MNAT1: variants seen among roughly 807,000 people sequenced by gnomAD.
MNAT1 encodes the protein CDK-activating kinase assembly factor MAT1.
In MNAT1, 43 loss-of-function variants were observed where a neutral mutation model predicts 42.0. The ratio of observed to expected loss-of-function variants is 1.02; its 90% CI spans 0.80 to 1.32. MNAT1 has a LOEUF of 1.32. MNAT1 is among the 40% of genes most tolerant of loss of function. MNAT1 has a pLI of 0.00. For synonymous variants in MNAT1, 118 were observed against 120.0 expected, an observed-to-expected ratio of 0.98 and a Z score of 0.11; for missense variants, 306 against 350.4, an observed-to-expected ratio of 0.87 and a Z score of 1.01.
chr14:60,812,246 T>A, intron 5 of MNAT1, 119 bp downstream of exon 5: 1 of 1,002,572 alleles, frequency 1.0e-6, no homozygotes, highest in Non-Finnish European at 1.4e-6. Context: ...GGTTCACCTT[T>A]AGTTTTGTTG....
chr14:60,842,958 T>C (rs990706464), intron 6 of MNAT1, among the ~76,000 whole-genome samples: 1 of 152,238 alleles, frequency 6.6e-6, no homozygotes, highest in African/African-American at 2.4e-5. Context: ...GAATGCCTGT[T>C]GATTTTGCGT....
chr14:60,837,466 A>G (rs1393618438), intron 6 of MNAT1, among the ~76,000 whole-genome samples: 2 of 152,164 alleles, frequency 1.3e-5, no homozygotes, highest in Non-Finnish European at 2.9e-5. Flanking sequence ...TCCTTTGGCT[A>G]GGGAAGGGAG....
rs557206430 is a variant in MNAT1, at chr14:60,826,707, C to G, written c.687+7860C>G. ...GAGAGCTACAACTTTGTTTCTTGGC[C>G]AGGTGTTAGTTATTTTGATCTATTT... On this transcript the variant is annotated intron_variant, in intron 6 of 7. Coordinates refer to ENST00000261245, the MANE Select transcript of MNAT1 (RefSeq NM_002431.4). 2.0e-5 allele frequency among the ~76,000 whole-genome samples: 3 copies of G among 152,180 alleles called. No homozygotes were observed. In the South Asian group the frequency reaches 6.2e-4, roughly 32 times the overall value.
intron 1 of MNAT1, among the ~76,000 whole-genome samples, chr14:60,770,144 T>G (rs1474907389): frequency 6.6e-6 from 1 of 152,226 alleles, no homozygotes; most frequent in Non-Finnish European, 1.5e-5. Context: ...TCTGTTTCTG[T>G]GATTTTGACT....
intron 1 of MNAT1, among the ~76,000 whole-genome samples, chr14:60,758,656 T>C (rs2030468322): frequency 6.6e-6 from 1 of 152,078 alleles, no homozygotes; most frequent in African/African-American, 2.4e-5. Flanking sequence ...CTTTTAACCA[T>C]GATACTTCCT....
chr14:60,932,476 A>G (rs1773242628), intron 7 of MNAT1, among the ~76,000 whole-genome samples: 1 of 151,946 alleles, frequency 6.6e-6, no homozygotes, highest in Non-Finnish European at 1.5e-5. Flanking sequence ...CTTTAAAGAC[A>G]TGGTTAAATA....
At chr14:60,783,307 T>TTAAA (rs899187423) in intron 1 of MNAT1, among the ~76,000 whole-genome samples, 36 of 152,328 alleles carry the variant, frequency 2.4e-4, no homozygotes, top group African/African-American at 8.7e-4. Context: ...GGCCTGCACT[T>TTAAA]AAACTATGAC....
intron 6 of MNAT1, among the ~76,000 whole-genome samples, chr14:60,820,728 G>C (rs2032864680): frequency 6.6e-6 from 1 of 151,996 alleles, no homozygotes; most frequent in African/African-American, 2.4e-5. Context: ...CTATTCATCT[G>C]TGTACCCCAT....
intron 1 of MNAT1, among the ~76,000 whole-genome samples, chr14:60,789,662 G>GA (rs1038926775): frequency 1.9e-4 from 29 of 152,110 alleles, no homozygotes; most frequent in Admixed American, 4.6e-4. Context: ...CCATATCCCT[G>GA]AAGGGGCTTT....
At chr14:60,742,167 C>T (rs928245720) in intron 1 of MNAT1, among the ~76,000 whole-genome samples, 1 of 152,132 alleles carries the variant, frequency 6.6e-6, no homozygotes, top group Admixed American at 6.6e-5. Flanking sequence ...GTCACTGCAA[C>T]CTTGAACTCA....
intron 6 of MNAT1, among the ~76,000 whole-genome samples, chr14:60,847,989 C>G (rs562168967): frequency 1.3e-5 from 2 of 152,022 alleles, no homozygotes; most frequent in South Asian, 4.2e-4. Context: ...AGTTTTTATT[C>G]AGTCTTTTAG....
At chr14:60,849,777 G>C (rs1594800835) in intron 6 of MNAT1, among the ~76,000 whole-genome samples, 1 of 151,906 alleles carries the variant, frequency 6.6e-6, no homozygotes, top group African/African-American at 2.4e-5. Flanking sequence ...GTTAGATACT[G>C]AACAAATAAT....
chr14:60,830,939 C>A (rs1468293594), intron 6 of MNAT1, among the ~76,000 whole-genome samples: 2 of 152,012 alleles, frequency 1.3e-5, no homozygotes, highest in African/African-American at 4.8e-5. Context: ...ACATACTCAA[C>A]TGAATGGATA....
intron 7 of MNAT1, among the ~76,000 whole-genome samples, chr14:60,941,101 T>C (rs1458781503): frequency 6.6e-6 from 1 of 152,222 alleles, no homozygotes. Context: ...AGTTTTGTTA[T>C]TTCTAGTTTT....
At chr14:60,859,208 C>CAT (rs764474966) in intron 6 of MNAT1, among the ~76,000 whole-genome samples, 1 of 152,164 alleles carries the variant, frequency 6.6e-6, no homozygotes, top group East Asian at 1.9e-4. Context: ...GAGACCCAGG[C>CAT]ATATCTCTTG....
At chr14:60,809,189 C>T (rs1178342838) in intron 4 of MNAT1, among the ~76,000 whole-genome samples, 3 of 152,032 alleles carry the variant, frequency 2.0e-5, no homozygotes, top group Non-Finnish European at 4.4e-5. Flanking sequence ...GAGGTAATTA[C>T]GTTTGAGATA....
intron 7 of MNAT1, among the ~76,000 whole-genome samples, chr14:60,960,347 T>G (rs2036565963): frequency 2.0e-5 from 3 of 152,240 alleles, no homozygotes; most frequent in African/African-American, 7.2e-5. Context: ...CATTACACAT[T>G]GTAGTTCTCT....
chr14:60,867,372 CAA>C (rs1263206979), intron 6 of MNAT1, among the ~76,000 whole-genome samples: 3 of 151,968 alleles, frequency 2.0e-5, no homozygotes, highest in Non-Finnish European at 2.9e-5. Flanking sequence ...TTTTAAAAGA[CAA>C]AGAGTGCTCT....
At chr14:60,745,818 C>T (rs1437770958) in intron 1 of MNAT1, among the ~76,000 whole-genome samples, 1 of 152,112 alleles carries the variant, frequency 6.6e-6, no homozygotes, top group African/African-American at 2.4e-5. Flanking sequence ...TTTGTTTTTA[C>T]TACCTCAGCT....
Sources: gnomAD v4.1 joint callset for allele counts (sites outside exome capture counted in the v4.1 genomes callset) on GRCh38, gnomAD v4.1.1 for gene constraint, MANE v1.5 for transcripts, NCBI Gene and HGNC (gene_info 2026-07-23, HGNC 2026-07-21) for gene names.